Variants in AGBL1 observed in about 807,000 individuals in gnomAD.
AGBL1 encodes the protein AGBL carboxypeptidase 1, also known as cytosolic carboxypeptidase 4.
A neutral mutation model predicts 118.9 loss-of-function variants in AGBL1; 130 were observed. The observed-to-expected ratio is 1.09, with a 90% CI of 0.95 to 1.26. The LOEUF (loss-of-function observed/expected upper bound fraction) is 1.26, where lower values mean the gene tolerates loss of function less well. Among genes scored for constraint, AGBL1 ranks in the 50% most tolerant of loss-of-function variants. The pLI, the probability that AGBL1 is intolerant of heterozygous loss-of-function variation, is 0.00. For synonymous variants in AGBL1, 555 were observed against 478.9 expected, an observed-to-expected ratio of 1.16 and a Z score of -2.08; for missense variants, 1,584 against 1,298.1, an observed-to-expected ratio of 1.22 and a Z score of -3.38.
downstream of AGBL1, chr15:87,029,163 A>G (rs74447955): frequency 7.6e-3 from 1,780 of 235,142 alleles, 32 homozygotes; most frequent in African/African-American, 0.037. Flanking sequence ...TCACATAGAT[A>G]GTCTTCTACT....
chr15:86,502,741 A>G (rs2082932043), intron 18 of AGBL1, among the ~76,000 whole-genome samples: 1 of 151,478 alleles, frequency 6.6e-6, no homozygotes, highest in African/African-American at 2.4e-5. Context: ...ACATTGAACA[A>G]ACCTTCCAAT....
chr15:86,687,351 G>C (rs1047268493), intron 22 of AGBL1, among the ~76,000 whole-genome samples: 2 of 152,030 alleles, frequency 1.3e-5, no homozygotes, highest in African/African-American at 4.8e-5. Flanking sequence ...CAAGAAGAAG[G>C]TGTCTGGCTG....
At chr15:86,904,403 A>C (rs1218199389) in intron 22 of AGBL1, among the ~76,000 whole-genome samples, 2 of 150,774 alleles carry the variant, frequency 1.3e-5, no homozygotes, top group African/African-American at 2.4e-5. Context: ...GAAAAAGTAA[A>C]AATACTTCTC....
chr15:86,517,322 A>G (rs1278385532), intron 18 of AGBL1, among the ~76,000 whole-genome samples: 2 of 152,182 alleles, frequency 1.3e-5, no homozygotes, highest in Non-Finnish European at 2.9e-5. Context: ...GTCCATTAGG[A>G]TCTTGTTAAA....
chr15:86,361,662 T>C (rs1343990931), intron 17 of AGBL1, among the ~76,000 whole-genome samples: 1 of 152,142 alleles, frequency 6.6e-6, no homozygotes, highest in Non-Finnish European at 1.5e-5. Context: ...AATTGTTTTA[T>C]CTTTCTATTG....
intron 24 of AGBL1, among the ~76,000 whole-genome samples, chr15:87,009,924 C>T (rs140913877): frequency 0.049 from 7,481 of 152,268 alleles, 284 homozygotes; most frequent in South Asian, 0.18. Context: ...AACTAACTTG[C>T]TTTTGATTTT....
chr15:86,173,820 G>A (rs1444676563), intron 5 of AGBL1, among the ~76,000 whole-genome samples: 1 of 152,112 alleles, frequency 6.6e-6, no homozygotes, highest in Non-Finnish European at 1.5e-5. Flanking sequence ...TTCTATGATA[G>A]TACCATGCTG....
chr15:86,588,979 A>G (rs555473017), intron 21 of AGBL1, among the ~76,000 whole-genome samples: 5 of 152,128 alleles, frequency 3.3e-5, no homozygotes, highest in African/African-American at 1.2e-4. Context: ...ATCTTTCACA[A>G]TTTTTATTTT....
At chr15:86,177,878 G>A (rs1224378457) in intron 5 of AGBL1, among the ~76,000 whole-genome samples, 1 of 150,640 alleles carries the variant, frequency 6.6e-6, no homozygotes, top group African/African-American at 2.4e-5. Flanking sequence ...CCATAAGAAA[G>A]GATAAAAAGA....
intron 23 of AGBL1, among the ~76,000 whole-genome samples, chr15:86,949,835 A>G (rs141469453): frequency 5.3e-5 from 8 of 152,250 alleles, no homozygotes; most frequent in Admixed American, 1.3e-4. Flanking sequence ...ACTATACCCA[A>G]TGATAGCAAA....
intron 22 of AGBL1, among the ~76,000 whole-genome samples, chr15:86,797,071 T>G (rs1222567631): frequency 6.6e-6 from 1 of 152,242 alleles, no homozygotes; most frequent in South Asian, 2.1e-4. Flanking sequence ...ACTCTGAGTT[T>G]CCTCGTCTGT....
chr15:86,706,254 A>G (rs937502552), intron 22 of AGBL1, among the ~76,000 whole-genome samples: 9 of 152,120 alleles, frequency 5.9e-5, no homozygotes, highest in Admixed American at 1.3e-4. Context: ...TGTCACAATA[A>G]AAACTTAAAA....
intron 18 of AGBL1, among the ~76,000 whole-genome samples, chr15:86,416,774 C>T (rs1006772310): frequency 6.6e-6 from 1 of 152,058 alleles, no homozygotes; most frequent in African/African-American, 2.4e-5. Context: ...ATTATATATC[C>T]ATAATAGTAT....
At position 86,452,064 on chromosome 15, in the gene AGBL1, C is replaced by A. The variant is rs572061506; in HGVS notation, c.2555+54518C>A. Among the ~76,000 whole-genome samples, 34 of 152,170 alleles carry A rather than the reference C, an allele frequency of 2.2e-4. 1 individual carries two copies. In the East Asian group the frequency reaches 6.2e-3, roughly 28 times the overall value. ...AATGGATTGGTGGAGGAGCCTTATG[C>A]CAGCCACAGTAGCTTTGCCCGGACA... On this transcript the variant is annotated intron_variant, in intron 18 of 22. Transcript: ENST00000614907.
At chr15:86,216,065 A>G (rs2141901925) in intron 5 of AGBL1, among the ~76,000 whole-genome samples, 1 of 152,320 alleles carries the variant, frequency 6.6e-6, no homozygotes, top group Middle Eastern at 3.4e-3. Context: ...TTGCTAATGT[A>G]TAGAGATACA....
chr15:86,385,270 T>C (rs2081166558), intron 17 of AGBL1, among the ~76,000 whole-genome samples: 1 of 152,252 alleles, frequency 6.6e-6, no homozygotes, highest in Non-Finnish European at 1.5e-5. Context: ...TCACCTTACA[T>C]TGCTTTTTAA....
chr15:86,089,969 G>T (rs904457421), intron 1 of AGBL1, among the ~76,000 whole-genome samples: 2 of 152,146 alleles, frequency 1.3e-5, no homozygotes, highest in Non-Finnish European at 2.9e-5. Context: ...AGAAAAATGG[G>T]CATTACAATT....
At chr15:86,432,165 A>G (rs1031267506) in intron 18 of AGBL1, among the ~76,000 whole-genome samples, 1 of 152,306 alleles carries the variant, frequency 6.6e-6, no homozygotes. Flanking sequence ...CTGACAAACA[A>G]CTACATACAT....
intron 19 of AGBL1, among the ~76,000 whole-genome samples, chr15:86,523,287 T>C (rs964451768): frequency 1.3e-5 from 2 of 152,218 alleles, no homozygotes; most frequent in Non-Finnish European, 2.9e-5. Flanking sequence ...CCTGGGCTTG[T>C]GGCAGTGTAA....
Sources: allele counts gnomAD v4.1 joint callset (sites outside exome capture counted in the v4.1 genomes callset), GRCh38; gene constraint gnomAD v4.1.1; transcripts MANE v1.5; gene names NCBI Gene and HGNC (gene_info 2026-07-23, HGNC 2026-07-21).